Variants in MAN2B2 observed in about 807,000 individuals in gnomAD.
The protein encoded by MAN2B2 is mannosidase alpha class 2B member 2, also known as epididymis-specific alpha-mannosidase.
In MAN2B2, 106 loss-of-function variants were observed where a neutral mutation model predicts 117.1. The ratio of observed to expected loss-of-function variants is 0.90; its 90% confidence interval spans 0.77 to 1.06. The LOEUF (loss-of-function observed/expected upper bound fraction) is 1.06. MAN2B2 is among the 50% of genes least tolerant of loss of function. The pLI, the probability that MAN2B2 is intolerant of heterozygous loss-of-function variation, is 0.00. For missense variants in MAN2B2, 1,326 were observed against 1,381.4 expected (o/e 0.96, Z 0.64); for synonymous variants, 544 against 595.1 (o/e 0.91, Z 1.25).
At position 6,589,121 on chromosome 4, in the gene MAN2B2, A is replaced by G. The variant is rs1471309718; in HGVS notation, c.641A>G (p.Tyr214Cys). ...ATCTTCACGCACATCATGGACCAGT[A>G]CAGCTACTGCACCCCGTCCCACATC... ...QEIFTHIMDQ[Y>C]SYCTPSHIPF... is the part of the protein sequence containing the mutation. The change falls in exon 5 of 19, where the codon TAC becomes TGC. Residue 214 changes from tyrosine (Y) to cysteine (C), a missense_variant. Tyr to Cys is a radical substitution (Grantham distance 194). Transcript: ENST00000285599. 1 of 1,614,194 alleles carries G rather than the reference A, an allele frequency of 6.2e-7. No individual in the cohort carries two copies. The highest frequency in any genetic ancestry group is 8.5e-7 in the Non-Finnish European group (1 of 1,180,030).
At chr4:6,598,921 C>T (rs1468751684) in intron 9 of MAN2B2, among the ~76,000 whole-genome samples, 1 of 152,186 alleles carries the variant, frequency 6.6e-6, no homozygotes, top group African/African-American at 2.4e-5. Flanking sequence ...TGTGAGTTTT[C>T]CCACGTGTAG....
Position 6,593,197 on chromosome 4 carries a change from G to C in MAN2B2, c.705G>C (p.Val235=). Residue 235 remains valine, a synonymous_variant, in exon 6 of 19, where the codon GTG becomes GTC. Transcript: ENST00000285599. The part of the protein sequence containing the change: ...SNRSGFYWNG[V]AVFPKPPQDG... ...GGTCAGGATTTTACTGGAATGGCGT[G>C]GCTGTCTTCCCCAAGCCTCCCCAAG... The C allele has an allele frequency of 1.2e-6, 2 of 1,613,844 alleles. No homozygotes were observed. Among genetic ancestry groups the C allele is most frequent in the East Asian group, 2.2e-5 (1 of 44,850 alleles).
chr4:6,610,817 G>A (rs749022585), intron 13 of MAN2B2, 63 bp from the exon 14 acceptor site: 38 of 1,442,692 alleles, frequency 2.6e-5, no homozygotes, highest in Admixed American at 1.5e-4. Context: ...TGGCCAGAGG[G>A]TGATGCCTGA....
intron 11 of MAN2B2, 79 bp from the exon 12 acceptor site, chr4:6,609,028 G>C: frequency 7.2e-7 from 1 of 1,391,616 alleles, no homozygotes; most frequent in South Asian, 1.4e-5. Context: ...ATGGCATCTG[G>C]AGAGAGAGGC....
In MAN2B2 at chr4:6,576,583, C is replaced by G; in HGVS notation, c.144C>G (p.Ser48Arg). 2 of 1,612,508 alleles carry G rather than the reference C, an allele frequency of 1.2e-6. No homozygotes were observed. The highest frequency in any genetic ancestry group is 1.7e-6 in the Non-Finnish European group (2 of 1,179,140). ...TGATGCTGTCCCCTCCCCAGGAAAG[C>G]ATGCGGGCGTACGCCGCCAATGTCT... ...DVGWVYTVQE[S>R]MRAYAANVYT... is the part of the protein sequence containing the mutation. The change falls in exon 2 of 19, where the codon AGC (serine) becomes AGG (arginine). Residue 48 changes from serine to arginine, a missense_variant. By Grantham distance (110) the Ser-to-Arg change is moderately radical. Coordinates refer to ENST00000285599, the MANE Select transcript of MAN2B2 (RefSeq NM_015274.3).
At chr4:6,593,037 A>G in intron 5 of MAN2B2, 136 bp from the exon 6 acceptor site, 5 of 791,916 alleles carry the variant, frequency 6.3e-6, no homozygotes, top group Non-Finnish European at 1.0e-5. Context: ...ACCGTCGGTC[A>G]TGGAGTGGGA....
chr4:6,583,112 A>G (rs1048906059), intron 3 of MAN2B2, among the ~76,000 whole-genome samples: 1 of 152,142 alleles, frequency 6.6e-6, no homozygotes, highest in Non-Finnish European at 1.5e-5. Flanking sequence ...TGCAGTCTAG[A>G]CTGGCTCACC....
intron 7 of MAN2B2, among the ~76,000 whole-genome samples, chr4:6,595,474 A>C (rs1727043249): frequency 1.3e-5 from 2 of 152,182 alleles, no homozygotes; most frequent in Admixed American, 1.3e-4. Flanking sequence ...TCACAGATGT[A>C]GAGGCCGGGA....
chr4:6,586,338 G>T (rs928653996), intron 3 of MAN2B2, among the ~76,000 whole-genome samples: 3 of 152,206 alleles, frequency 2.0e-5, no homozygotes, highest in Non-Finnish European at 4.4e-5. Context: ...CAGGATGACA[G>T]GCGTGAGCCA....
At chr4:6,605,458 T>G in intron 11 of MAN2B2, 129 bp downstream of exon 11, 1 of 1,055,844 alleles carries the variant, frequency 9.5e-7, no homozygotes, top group Non-Finnish European at 1.3e-6. Context: ...AACCCCTTCC[T>G]GCTATTGTGA....
intron 3 of MAN2B2, among the ~76,000 whole-genome samples, chr4:6,585,194 C>A (rs894386481): frequency 6.6e-6 from 1 of 152,200 alleles, no homozygotes; most frequent in African/African-American, 2.4e-5. Context: ...CCACAGTCAT[C>A]CCCTGCCCTG....
At position 6,592,343 on chromosome 4, in the gene MAN2B2, T is replaced by G. The variant is rs541023387; in HGVS notation, c.681-830T>G. ...AGCTTGGTGAGGCTAGAGGTGGCAGTGCTGGTGGCTGATGACTGTGATCCC... is the reference window on the plus strand; with the variant it reads ...AGCTTGGTGAGGCTAGAGGTGGCAGGGCTGGTGGCTGATGACTGTGATCCC... On this transcript the variant is annotated intron_variant, in intron 5 of 18. Transcript: ENST00000285599. Among the ~76,000 whole-genome samples the G allele has an allele frequency of 3.9e-5, 6 of 152,302 alleles. 1 individual carries two copies. Among genetic ancestry groups the G allele is most frequent in the Middle Eastern group, 3.4e-3 (1 of 294 alleles).
intron 16 of MAN2B2, among the ~76,000 whole-genome samples, chr4:6,616,644 G>A (rs1301629792): frequency 6.6e-6 from 1 of 152,168 alleles, no homozygotes; most frequent in Non-Finnish European, 1.5e-5. Context: ...CAGAGGCCAC[G>A]CAGCCTCCCC....
intron 15 of MAN2B2, among the ~76,000 whole-genome samples, chr4:6,611,658 TG>T (rs1711567400): frequency 6.6e-6 from 1 of 152,224 alleles, no homozygotes; most frequent in African/African-American, 2.4e-5. Flanking sequence ...TGGTGGCGCA[TG>T]CCTGTAATCC....
At chr4:6,580,226 T>A (rs1420011880) in intron 3 of MAN2B2, among the ~76,000 whole-genome samples, 1 of 152,176 alleles carries the variant, frequency 6.6e-6, no homozygotes, top group East Asian at 1.9e-4. Context: ...GACACAGCCC[T>A]ACAGACAGAG....
chr4:6,615,126 T>C (rs1399685363), intron 16 of MAN2B2, among the ~76,000 whole-genome samples: 1 of 152,230 alleles, frequency 6.6e-6, no homozygotes, highest in African/African-American at 2.4e-5. Context: ...TGGGGCGCAG[T>C]GGCTCACACC....
intron 10 of MAN2B2, among the ~76,000 whole-genome samples, chr4:6,603,702 G>A (rs1327848125): frequency 6.6e-6 from 1 of 152,150 alleles, no homozygotes; most frequent in African/African-American, 2.4e-5. Context: ...CAGTAGGGGA[G>A]ACAGGTGATA....
chr4:6,608,697 A>G (rs1029971441), intron 11 of MAN2B2, among the ~76,000 whole-genome samples: 5 of 152,172 alleles, frequency 3.3e-5, no homozygotes, highest in African/African-American at 1.2e-4. Flanking sequence ...TAACCAGGTG[A>G]AGTCAGTGAA....
intron 17 of MAN2B2, chr4:6,617,972 C>T (rs140191615): frequency 2.4e-5 from 4 of 167,344 alleles, no homozygotes; most frequent in Admixed American, 1.3e-4. Flanking sequence ...CTCAGCCTCC[C>T]GAGTAGCTGG....
Sources: allele counts gnomAD v4.1 joint callset (sites outside exome capture counted in the v4.1 genomes callset), GRCh38; gene constraint gnomAD v4.1.1; transcripts MANE v1.5; gene names NCBI Gene and HGNC (gene_info 2026-07-23, HGNC 2026-07-21).